Variants in XPA observed in about 807,000 individuals in gnomAD.
The protein encoded by XPA is DNA repair protein complementing XP-A cells.
XPA carries 27 observed loss-of-function variants against 35.7 expected under a neutral mutation model. The ratio of observed to expected loss-of-function variants is 0.76; its 90% confidence interval spans 0.56 to 1.04. XPA has a LOEUF of 1.04. Ranked by LOEUF, XPA falls within the 50% of genes least tolerant of loss-of-function variation. The pLI, the probability that XPA is intolerant of heterozygous loss-of-function variation, is 0.00. For synonymous variants in XPA, 133 were observed against 118.4 expected (o/e 1.12, Z -0.80); for missense variants, 354 against 342.7 (o/e 1.03, Z -0.26).
At chr9:97,696,893 G>A (rs530638009) in intron 1 of XPA, among the ~76,000 whole-genome samples, 1 of 152,334 alleles carries the variant, frequency 6.6e-6, no homozygotes, top group African/African-American at 2.4e-5. Context: ...CCCGGGGCTG[G>A]GGGTCAGGAG....
chr9:97,671,441 CTG>C (rs1029912609), downstream of XPA: 47 of 394,886 alleles, frequency 1.2e-4, no homozygotes, highest in African/African-American at 9.6e-4. Flanking sequence ...TACAAATTCT[CTG>C]TGATCAGTTT....
downstream of XPA, chr9:97,671,055 G>T: frequency 6.9e-7 from 1 of 1,447,024 alleles, no homozygotes; most frequent in South Asian, 1.2e-5. Flanking sequence ...GCTTTTTCCT[G>T]ACCTAACTAC....
chr9:97,662,942 C>A, the XPA span: 1 of 1,587,010 alleles, frequency 6.3e-7, no homozygotes, highest in South Asian at 1.1e-5. Context: ...TTTTTCCCAT[C>A]ATTATCAAAA....
intron 5 of XPA, among the ~76,000 whole-genome samples, chr9:97,681,494 T>TA (rs1828538028): frequency 6.6e-6 from 1 of 152,188 alleles, no homozygotes; most frequent in Non-Finnish European, 1.5e-5. Context: ...AGAGATTTCT[T>TA]ACCTACCTCT....
rs1339928503 is a variant in XPA at position 97,689,620 on chromosome 9, A to G, written c.303T>C (p.Asp101=). 1.2e-6 allele frequency: 2 copies of G among 1,607,668 alleles called. No homozygotes were observed. The highest frequency in any genetic ancestry group is 1.1e-5 in the South Asian group (1 of 90,840). ...TCCCACATTCTTCGCATATTACATA[A>G]TCAAATTCCATAACAGGTCCTAAGA... The part of the protein sequence containing the change: ...VHQPGPVMEF[D]YVICEECGKE... The change falls in exon 3 of 6, where the codon GAT becomes GAC. Residue 101 remains aspartate (D), a synonymous_variant. Transcript: ENST00000375128.
chr9:97,693,108 T>A (rs76912318), intron 2 of XPA, among the ~76,000 whole-genome samples: 3,770 of 151,948 alleles, frequency 0.025, 168 homozygotes, highest in African/African-American at 0.086. Context: ...GCCAAACTTA[T>A]GAACAAATAA....
At chr9:97,666,192 C>T in the XPA span, among the ~76,000 whole-genome samples, 1 of 152,162 alleles carries the variant, frequency 6.6e-6, no homozygotes, top group Non-Finnish European at 1.5e-5. Flanking sequence ...CATTTCAAAG[C>T]ACCTACAAAG....
the XPA span, among the ~76,000 whole-genome samples, chr9:97,668,580 C>G: frequency 3.3e-5 from 5 of 152,046 alleles, no homozygotes; most frequent in African/African-American, 1.2e-4. Context: ...GTAGCCAAGT[C>G]CCCCCATGTT....
the XPA span, chr9:97,668,781 C>CT: frequency 6.5e-7 from 1 of 1,539,382 alleles, no homozygotes; most frequent in East Asian, 2.3e-5. Context: ...AATGCTTCCC[C>CT]TGGAGGAGAT....
the XPA span, among the ~76,000 whole-genome samples, chr9:97,657,570 T>C: frequency 6.6e-6 from 1 of 152,216 alleles, no homozygotes; most frequent in Non-Finnish European, 1.5e-5. Context: ...TTTTTCCCTT[T>C]AGTAGAATTG....
intron 2 of XPA, among the ~76,000 whole-genome samples, chr9:97,690,772 C>T (rs530131232): frequency 1.4e-4 from 22 of 152,364 alleles, no homozygotes; most frequent in African/African-American, 5.3e-4. Flanking sequence ...ATCCACCTGC[C>T]TTGGCCTCCC....
At chr9:97,662,352 G>C in the XPA span, among the ~76,000 whole-genome samples, 1 of 152,202 alleles carries the variant, frequency 6.6e-6, no homozygotes, top group African/African-American at 2.4e-5. Context: ...TACATGGTAA[G>C]TGCTTTTTTT....
the XPA span, chr9:97,654,910 C>T: frequency 6.2e-7 from 1 of 1,611,974 alleles, no homozygotes; most frequent in Non-Finnish European, 8.5e-7. Flanking sequence ...GCTATACATG[C>T]GTTTGGACAC....
chr9:97,686,637 C>G (rs927847028), intron 4 of XPA, among the ~76,000 whole-genome samples: 2 of 151,972 alleles, frequency 1.3e-5, no homozygotes, highest in African/African-American at 4.8e-5. Flanking sequence ...ATATTAGAAG[C>G]AAAATGAGGC....
chr9:97,680,502 A>G (rs901604976), intron 5 of XPA, among the ~76,000 whole-genome samples: 1 of 152,180 alleles, frequency 6.6e-6, no homozygotes, highest in Non-Finnish European at 1.5e-5. Context: ...TTGGGATTAC[A>G]GGCATAAGCC....
the XPA span, chr9:97,664,447 A>C: frequency 1.3e-5 from 20 of 1,572,216 alleles, no homozygotes; most frequent in Non-Finnish European, 1.7e-5. Flanking sequence ...TTACCAGGTA[A>C]TATAAATTAT....
chr9:97,682,359 T>A (rs772887517), intron 5 of XPA: 27 of 518,820 alleles, frequency 5.2e-5, no homozygotes, highest in Non-Finnish European at 8.5e-5. Flanking sequence ...GTAAGCTCCT[T>A]GTGTCTAATC....
chr9:97,687,182 T>C lies in XPA; in HGVS notation c.469A>G (p.Lys157Glu), dbSNP rs1828745258. ...EYLLKDCDLE[K>E]REPPLKFIVK... ...ATAAATTTAAGAGGTGGCTCTCTTT[T>C]TTCTAAATCACAGTCTTTCAGAAGA... The change falls in exon 4 of 6, where the codon AAA (lysine) becomes GAA (glutamate). Residue 157 changes from lysine to glutamate, a missense_variant. Lys to Glu is a moderately conservative substitution (Grantham distance 56). Coordinates refer to ENST00000375128, the MANE Select transcript of XPA (RefSeq NM_000380.4). 1 of 1,612,468 alleles carries C rather than the reference T, an allele frequency of 6.2e-7. No homozygotes were observed. The highest frequency in any genetic ancestry group is 1.1e-5 in the South Asian group (1 of 90,560).
chr9:97,667,657 C>T, the XPA span, among the ~76,000 whole-genome samples: 1 of 152,180 alleles, frequency 6.6e-6, no homozygotes, highest in Non-Finnish European at 1.5e-5. Context: ...ACAGGTCTGT[C>T]AGACTCCAGA....
Sources: gnomAD v4.1 joint callset for allele counts (sites outside exome capture counted in the v4.1 genomes callset) on GRCh38, gnomAD v4.1.1 for gene constraint, MANE v1.5 for transcripts, NCBI Gene and HGNC (gene_info 2026-07-23, HGNC 2026-07-21) for gene names.